COL4A1: variants seen among roughly 807,000 people sequenced by gnomAD.
COL4A1 encodes the protein collagen alpha-1(IV) chain.
In COL4A1, 40 loss-of-function variants were observed where a neutral mutation model predicts 216.6. The observed-to-expected ratio is 0.18, with a 90% CI of 0.14 to 0.24. COL4A1 has a LOEUF of 0.24. Among genes scored for constraint, COL4A1 ranks in the 10% least tolerant of loss-of-function variants. The pLI is 1.00. For missense variants in COL4A1, 1,628 were observed against 2,196.8 expected, an observed-to-expected ratio of 0.74 and a Z score of 5.18; for synonymous variants, 839 against 810.7, an observed-to-expected ratio of 1.03 and a Z score of -0.59.
At chr13:110,274,938 T>C (rs770418283) in intron 1 of COL4A1, among the ~76,000 whole-genome samples, 3 of 152,202 alleles carry the variant, frequency 2.0e-5, no homozygotes, top group Non-Finnish European at 4.4e-5. Context: ...AAGCAAAATA[T>C]GCATTCTCTC....
intron 1 of COL4A1, chr13:110,266,144 C>T (rs915455068): frequency 2.6e-5 from 4 of 152,242 alleles, no homozygotes; most frequent in African/African-American, 4.8e-5. Context: ...GGCCTGCACC[C>T]GGGAAACTGC....
Position 110,242,748 on chromosome 13 carries a change from A to G in COL4A1, c.85-14T>C, listed in dbSNP as rs769004138. The G allele has an allele frequency of 2.5e-6, 4 of 1,614,072 alleles. No homozygotes were observed. The Admixed American group carries it at 5.0e-5, about 20-fold the overall frequency. On this transcript the variant is annotated splice_polypyrimidine_tract_variant and intron_variant, in intron 1 of 51. Transcript: ENST00000375820. ...AGCACAGCCACCCTGGAAGGAAAAG[A>G]AAACTTCTTTAAATAGAAGAACACT... is the stretch of plus-strand genomic sequence containing the variant.
intron 4 of COL4A1, 42 bp downstream of exon 4, chr13:110,213,740 C>G (rs1879932571): frequency 6.2e-7 from 1 of 1,604,274 alleles, no homozygotes; most frequent in African/African-American, 1.3e-5. Context: ...CGGGCCTGTC[C>G]CACGCATGGA....
At chr13:110,209,357 A>T (rs1594583285) in intron 11 of COL4A1, 35 bp downstream of exon 11, 1 of 1,601,580 alleles carries the variant, frequency 6.2e-7, no homozygotes, top group African/African-American at 1.3e-5. Flanking sequence ...GCCTTATACT[A>T]ATGCCAAAGA....
intron 18 of COL4A1, 136 bp downstream of exon 18, chr13:110,203,430 C>G: frequency 1.1e-6 from 1 of 917,080 alleles, no homozygotes; most frequent in African/African-American, 1.6e-5. Flanking sequence ...TGCCCTGCAT[C>G]TCCTCTCCTT....
At chr13:110,282,725 G>C (rs1883683141) in intron 1 of COL4A1, among the ~76,000 whole-genome samples, 1 of 152,198 alleles carries the variant, frequency 6.6e-6, no homozygotes, top group Non-Finnish European at 1.5e-5. Context: ...CATCCCTGCT[G>C]TGCCTACTGA....
intron 2 of COL4A1, among the ~76,000 whole-genome samples, chr13:110,241,603 A>G (rs1031125473): frequency 6.6e-6 from 1 of 152,234 alleles, no homozygotes; most frequent in Non-Finnish European, 1.5e-5. Flanking sequence ...GCATGAAGAT[A>G]AATTAGAGTT....
chr13:110,177,835 C>T lies in COL4A1; in HGVS notation c.2716+7G>A, dbSNP rs1314153189. ...AAATGAGCTTCTAGGGTTATCAGCT[C>T]CCCTACCTTTTTCACCCGGTAATCC... On this transcript the variant is annotated splice_region_variant and intron_variant, in intron 33 of 51. Coordinates refer to ENST00000375820, the MANE Select transcript of COL4A1 (RefSeq NM_001845.6). 1 of 1,613,784 alleles carries T rather than the reference C, an allele frequency of 6.2e-7. No homozygotes were observed. The highest frequency in any genetic ancestry group is 8.5e-7 in the Non-Finnish European group (1 of 1,179,900).
Position 110,162,066 on chromosome 13 carries a change from G to A in COL4A1, c.4462+164C>T, listed in dbSNP as rs1177201569. 94 of 737,460 alleles carry A rather than the reference G, an allele frequency of 1.3e-4. No individual in the cohort carries two copies. In the Admixed American group the frequency reaches 1.4e-3, roughly 11 times the overall value. 45.7% of individuals were successfully genotyped at this position (737,460 alleles called of 1,614,324 possible). ...GAACCGATTATTTGTAATCAATGGA[G>A]GGAAATGGGGCCGGGCTGCTTTTTC... On this transcript the variant is annotated intron_variant, in intron 48 of 51. Transcript: ENST00000375820.
rs58236306 is a variant in COL4A1 at position 110,163,984 on chromosome 13, C to CTTTT, written c.4151-427_4151-424dup. 6.0e-3 allele frequency among the ~76,000 whole-genome samples: 656 copies of CTTTT among 110,176 alleles called. 10 individuals are homozygous for CTTTT. The highest frequency in any genetic ancestry group is 0.01 in the African/African-American group (304 of 29,810). 72.3% of individuals were successfully genotyped at this position (110,176 alleles called of 152,430 possible). On this transcript the variant is annotated intron_variant, in intron 46 of 51. Transcript: ENST00000375820. ...GTTCTTCTTCTTTCTTTCTCTCTCT[C>CTTTT]TTTTTTTTTTTTTTTTTTTTTTGAG...
At chr13:110,155,180 C>G (rs370359849) in intron 50 of COL4A1, 103 bp downstream of exon 50, 15 of 839,262 alleles carry the variant, frequency 1.8e-5, no homozygotes, top group Non-Finnish European at 2.9e-5. Flanking sequence ...GCTTAAGCAG[C>G]GAGATGCAGA....
intron 2 of COL4A1, among the ~76,000 whole-genome samples, chr13:110,240,650 A>G (rs974508748): frequency 6.6e-6 from 1 of 152,346 alleles, no homozygotes; most frequent in South Asian, 2.1e-4. Context: ...CCTTTCCTTC[A>G]GGCCAGGTGC....
chr13:110,306,605 A>C (rs966178216), intron 1 of COL4A1, among the ~76,000 whole-genome samples: 1 of 152,136 alleles, frequency 6.6e-6, no homozygotes, highest in African/African-American at 2.4e-5. Flanking sequence ...GGGACGGGTG[A>C]AGGCGCCCAG....
chr13:110,196,085 C>A (rs1198292223), intron 21 of COL4A1, among the ~76,000 whole-genome samples: 1 of 152,266 alleles, frequency 6.6e-6, no homozygotes, highest in Non-Finnish European at 1.5e-5. Flanking sequence ...AAAGATCCCA[C>A]ACCTTGTTTG....
intron 26 of COL4A1, among the ~76,000 whole-genome samples, chr13:110,185,490 A>C (rs1475393512): frequency 1.3e-5 from 2 of 152,206 alleles, no homozygotes; most frequent in African/African-American, 4.8e-5. Flanking sequence ...TACTAGTTAG[A>C]TATTTTTAAT....
chr13:110,195,451 G>A (rs953090850), intron 21 of COL4A1, among the ~76,000 whole-genome samples: 2 of 152,156 alleles, frequency 1.3e-5, no homozygotes, highest in Non-Finnish European at 2.9e-5. Context: ...TACAAATGAA[G>A]AAACTGAGGC....
At chr13:110,214,742 A>G (rs1879987669) in intron 2 of COL4A1, among the ~76,000 whole-genome samples, 1 of 152,174 alleles carries the variant, frequency 6.6e-6, no homozygotes, top group Non-Finnish European at 1.5e-5. Flanking sequence ...GGACCCAGTT[A>G]CACTTCAGGA....
chr13:110,209,174 G>A (rs1367463672), intron 11 of COL4A1, among the ~76,000 whole-genome samples: 2 of 152,000 alleles, frequency 1.3e-5, no homozygotes, highest in African/African-American at 4.8e-5. Context: ...TGATTCCAAA[G>A]TATTGACTAA....
At position 110,209,378 on chromosome 13, in the gene COL4A1, A is replaced by T; in HGVS notation, c.651+14T>A. The T allele has an allele frequency of 6.2e-7, 1 of 1,611,726 alleles. No individual in the cohort carries two copies. The highest frequency in any genetic ancestry group is 8.5e-7 in the Non-Finnish European group (1 of 1,178,142). On this transcript the variant is annotated intron_variant, in intron 11 of 51. Coordinates refer to ENST00000375820, the MANE Select transcript of COL4A1 (RefSeq NM_001845.6). ...TACTAATGCCAAAGAACAAAAAATG[A>T]AAAGAACTTTTACCTTTTCACCTGG...
Sources: gnomAD v4.1 joint callset for allele counts (sites outside exome capture counted in the v4.1 genomes callset) on GRCh38, gnomAD v4.1.1 for gene constraint, MANE v1.5 for transcripts, NCBI Gene and HGNC (gene_info 2026-07-23, HGNC 2026-07-21) for gene names.